The following ITIH5 variants were observed in gnomAD, a reference collection of about 807,000 sequenced individuals.
ITIH5 encodes the protein inter-alpha-trypsin inhibitor heavy chain H5.
Under a neutral mutation model 77.5 loss-of-function variants are expected in ITIH5, and 65 were observed. That is an observed-to-expected ratio of 0.84 (90% CI 0.69 to 1.03). ITIH5 has a LOEUF of 1.03. ITIH5 is among the 50% of genes least tolerant of loss of function. The pLI is 0.00. For synonymous variants in ITIH5, 525 were observed against 494.3 expected, an observed-to-expected ratio of 1.06 and a Z score of -0.82; for missense variants, 1,208 against 1,213.1, an observed-to-expected ratio of 1.00 and a Z score of 0.06.
At chr10:7,615,494 T>A (rs1833346087) in intron 7 of ITIH5, among the ~76,000 whole-genome samples, 1 of 152,180 alleles carries the variant, frequency 6.6e-6, no homozygotes, top group Non-Finnish European at 1.5e-5. Flanking sequence ...GGAATCTAAT[T>A]TTTCGACATA....
intron 9 of ITIH5, chr10:7,578,550 T>C (rs530809323): frequency 2.1e-4 from 32 of 153,060 alleles, no homozygotes; most frequent in African/African-American, 7.7e-4. Context: ...TGTGTTTTCA[T>C]TTAAATCTTT....
chr10:7,577,322 G>C (rs1218732883), intron 9 of ITIH5, among the ~76,000 whole-genome samples: 2 of 152,194 alleles, frequency 1.3e-5, no homozygotes, highest in East Asian at 1.9e-4. Context: ...ACTGGTTTCA[G>C]TTTTGCCTCT....
intron 5 of ITIH5, among the ~76,000 whole-genome samples, chr10:7,634,689 C>G (rs1833772059): frequency 6.6e-6 from 1 of 152,076 alleles, no homozygotes; most frequent in South Asian, 2.1e-4. Flanking sequence ...TCTGAAGAGT[C>G]ATTATGATTC....
intron 6 of ITIH5, 84 bp from the exon 7 acceptor site, chr10:7,616,182 T>TA (rs901912950): frequency 3.8e-6 from 3 of 783,504 alleles, no homozygotes; most frequent in African/African-American, 1.7e-5. Flanking sequence ...ATGGAATTTC[T>TA]AAAAGTTAAA....
intron 2 of ITIH5, among the ~76,000 whole-genome samples, chr10:7,651,858 C>G (rs1834106437): frequency 6.6e-6 from 1 of 152,164 alleles, no homozygotes; most frequent in African/African-American, 2.4e-5. Context: ...TGGTGCTTCC[C>G]CATGTGTCCT....
intron 8 of ITIH5, among the ~76,000 whole-genome samples, chr10:7,582,832 G>C (rs1832593453): frequency 6.6e-6 from 1 of 152,180 alleles, no homozygotes; most frequent in Non-Finnish European, 1.5e-5. Context: ...ATGGTTTCCA[G>C]AGGCTGGGCA....
chr10:7,646,179 G>T (rs9733897), intron 2 of ITIH5, among the ~76,000 whole-genome samples: 3,032 of 152,234 alleles, frequency 0.02, 103 homozygotes, highest in African/African-American at 0.07. Flanking sequence ...ACAGATGCAT[G>T]GGAAAGTAAA....
At chr10:7,570,491 T>C (rs1188911259) in intron 11 of ITIH5, 2 of 152,204 alleles carry the variant, frequency 1.3e-5, no homozygotes, top group African/African-American at 4.8e-5. Context: ...TTCTCCTCAT[T>C]TTCACCTCTG....
In ITIH5 at chr10:7,569,708, G is replaced by A. The variant is rs1330613458; in HGVS notation, c.2109C>T (p.Pro703=). The change falls in exon 12 of 14, where the codon CCC becomes CCT. Residue 703 remains proline, a synonymous_variant. Coordinates refer to ENST00000397146, the MANE Select transcript of ITIH5 (RefSeq NM_030569.7). ...LTVCFNIDGQ[P]GDILRLVSDH... is the part of the protein sequence containing the mutation. The stretch of plus-strand genomic sequence containing the variant: ...CAGAGACCAGCCTGAGGATGTCCCC[G>A]GGCTGCCCATCAATGTTGAAGCACA... The A allele has an allele frequency of 1.1e-5, 17 of 1,612,670 alleles. No homozygotes were observed. The highest frequency in any genetic ancestry group is 4.0e-5 in the African/African-American group (3 of 74,848).
intron 10 of ITIH5, among the ~76,000 whole-genome samples, chr10:7,574,568 C>T (rs1264064826): frequency 3.3e-5 from 5 of 151,942 alleles, no homozygotes; most frequent in South Asian, 2.1e-4. Context: ...CCCAGGTGGG[C>T]GGATCACAAG....
intron 5 of ITIH5, among the ~76,000 whole-genome samples, chr10:7,634,728 C>T (rs983709917): frequency 1.3e-5 from 2 of 152,126 alleles, no homozygotes; most frequent in Non-Finnish European, 1.5e-5. Flanking sequence ...CATTTCATTA[C>T]TGCAACAGGA....
intron 8 of ITIH5, 56 bp downstream of exon 8, chr10:7,585,845 A>G (rs1832663864): frequency 6.7e-7 from 1 of 1,488,492 alleles, no homozygotes; most frequent in Non-Finnish European, 9.0e-7. Flanking sequence ...AAAAAACCAA[A>G]AAAAAAAACA....
At chr10:7,613,706 G>A (rs1833304444) in intron 7 of ITIH5, among the ~76,000 whole-genome samples, 1 of 152,174 alleles carries the variant, frequency 6.6e-6, no homozygotes, top group African/African-American at 2.4e-5. Flanking sequence ...CAAATTTTAA[G>A]AGGTGAGCTC....
intron 1 of ITIH5, among the ~76,000 whole-genome samples, chr10:7,664,399 C>CA (rs35992152): frequency 0.14 from 16,706 of 118,346 alleles, 1,177 homozygotes; most frequent in East Asian, 0.32. Context: ...GATTCCGTCT[C>CA]AAAAAAAAAA....
chr10:7,606,181 G>C (rs1047200100), intron 7 of ITIH5, among the ~76,000 whole-genome samples: 21 of 152,172 alleles, frequency 1.4e-4, no homozygotes, highest in African/African-American at 5.1e-4. Flanking sequence ...AGTCACTGTG[G>C]ACAGCAGTCT....
Position 7,640,812 on chromosome 10 carries a change from C to T in ITIH5, c.343G>A (p.Glu115Lys), listed in dbSNP as rs1385297621. ...KVYQGEITER[E>K]KKSGDRVKEK... The stretch of plus-strand genomic sequence containing the variant: ...TTTACCCTATCACCACTCTTCTTTT[C>T]TCTCTCTGTAATTTCGCCCTGATAC... Residue 115 changes from glutamate to lysine, a missense_variant, in exon 4 of 14, where the codon GAA becomes AAA. Physicochemically the swap from Glu to Lys is moderately conservative, Grantham distance 56. Transcript: ENST00000397146. 1 of 1,613,404 alleles carries T rather than the reference C, an allele frequency of 6.2e-7. No individual in the cohort carries two copies. The highest frequency in any genetic ancestry group is 1.7e-5 in the Admixed American group (1 of 60,014).
Position 7,559,969 on chromosome 10 carries a change from A to G in ITIH5, c.*3114T>C. ...CTGGTTCAAGCGATTCTCCTGCCTC[A>G]GCCTCCCAAGTAGCTGGAACTACAG... On this transcript the variant is annotated 3_prime_UTR_variant, in exon 14 of 14. Coordinates refer to ENST00000397146, the MANE Select transcript of ITIH5 (RefSeq NM_030569.7). The G allele has an allele frequency of 2.5e-6, 1 of 404,634 alleles. No individual in the cohort carries two copies. Among genetic ancestry groups the G allele is most frequent in the Non-Finnish European group, 4.9e-6 (1 of 205,378 alleles). 25.1% of individuals were successfully genotyped at this position (404,634 alleles called of 1,614,324 possible).
chr10:7,572,263 T>C, intron 11 of ITIH5: 6 of 1,333,768 alleles, frequency 4.5e-6, no homozygotes, highest in Non-Finnish European at 5.0e-6. Flanking sequence ...TTCCAGAGGA[T>C]GATCTGGACA....
At chr10:7,647,644 G>A (rs1834028080) in intron 2 of ITIH5, among the ~76,000 whole-genome samples, 1 of 152,162 alleles carries the variant, frequency 6.6e-6, no homozygotes, top group South Asian at 2.1e-4. Flanking sequence ...TGTGACTGCT[G>A]GTGAGTGAAA....
Sources: allele counts gnomAD v4.1 joint callset (sites outside exome capture counted in the v4.1 genomes callset), GRCh38; gene constraint gnomAD v4.1.1; transcripts MANE v1.5; gene names NCBI Gene and HGNC (gene_info 2026-07-23, HGNC 2026-07-21).